The following LRRC45 variants were observed in gnomAD, a reference collection of about 807,000 sequenced individuals.
LRRC45 encodes the protein leucine rich repeat containing 45, also known as leucine-rich repeat-containing protein 45.
LRRC45 carries 73 observed loss-of-function variants against 85.4 expected under a neutral mutation model. The ratio of observed to expected loss-of-function variants is 0.85; its 90% confidence interval spans 0.71 to 1.04. The LOEUF (loss-of-function observed/expected upper bound fraction) is 1.04. Ranked by LOEUF, LRRC45 falls within the 50% of genes least tolerant of loss-of-function variation. The probability of loss-of-function intolerance (pLI) is 0.00; values close to 1 mark genes in which losing one functional copy is unlikely to be tolerated. For synonymous variants in LRRC45, 429 were observed against 386.0 expected (o/e 1.11, Z -1.31); for missense variants, 937 against 883.3 (o/e 1.06, Z -0.77).
At position 82,028,517 on chromosome 17, in the gene LRRC45, G is replaced by C. The variant is rs772265130; in HGVS notation, c.1237+9G>C. The C allele has an allele frequency of 5.0e-6, 8 of 1,611,974 alleles. No homozygotes were observed. The highest frequency in any genetic ancestry group is 5.9e-6 in the Non-Finnish European group (7 of 1,179,656). On this transcript the variant is annotated intron_variant, in intron 11 of 16. Coordinates refer to ENST00000306688, the MANE Select transcript of LRRC45 (RefSeq NM_144999.4). ...GGCCATCCAGGCCGAGGGTGGGCACGGGCAGGCCTGCTGTGGAGGGGCCTG... is the reference window on the plus strand; with the variant it reads ...GGCCATCCAGGCCGAGGGTGGGCACCGGCAGGCCTGCTGTGGAGGGGCCTG...
chr17:82,023,560 G>T lies in LRRC45; in HGVS notation c.-84G>T. On this transcript the variant is annotated 5_prime_UTR_variant, in exon 1 of 17. Transcript: ENST00000306688. ...GGCGGAGGCCCCGTCTCCTGTACCC[G>T]GCGCTGGGACTGCTCCGCACCGCGC... is the stretch of plus-strand genomic sequence containing the variant. 1 of 1,271,848 alleles carries T rather than the reference G, an allele frequency of 7.9e-7. No homozygotes were observed. Among genetic ancestry groups the T allele is most frequent in the Non-Finnish European group, 1.0e-6 (1 of 954,460 alleles). The allele number at this position is 1,271,848 out of a possible 1,614,324, so 78.8% of individuals were successfully genotyped here. A position where few individuals can be genotyped will look rare whatever the true frequency, so the allele number is the denominator to read the frequency against.
rs1040115972 is a variant in LRRC45, at chr17:82,030,919, G to A, written c.*114G>A. On this transcript the variant is annotated 3_prime_UTR_variant, in exon 17 of 17. Transcript: ENST00000306688. Reference sequence around the variant, plus strand: ...TTGAGACCCGGGTCGTCTGTTCCACGCGGCGGTTGCGGCGACTGTTGGTGG... The same window carrying A: ...TTGAGACCCGGGTCGTCTGTTCCACACGGCGGTTGCGGCGACTGTTGGTGG... 2 of 776,550 alleles carry A rather than the reference G, an allele frequency of 2.6e-6. No individual in the cohort carries two copies. Among genetic ancestry groups the A allele is most frequent in the South Asian group, 6.2e-5 (1 of 16,076 alleles). The allele number at this position is 776,550 out of a possible 1,614,324, so 48.1% of individuals were successfully genotyped here.
chr17:82,030,734 A>T lies in LRRC45; in HGVS notation c.1942A>T (p.Ser648Cys). The change falls in exon 17 of 17, where the codon AGC becomes TGC. Residue 648 changes from serine (S) to cysteine (C), a missense_variant. Ser to Cys is a moderately radical substitution (Grantham distance 112, BLOSUM62 -1). Coordinates refer to ENST00000306688, the MANE Select transcript of LRRC45 (RefSeq NM_144999.4). ...RIRDEEAQRA[S>C]FLQNAVLAYV... is the part of the protein sequence containing the mutation. The stretch of plus-strand genomic sequence containing the variant: ...CCGGGACGAGGAGGCCCAGAGGGCG[A>T]GCTTCCTGCAGAACGCCGTCCTGGC... 6.7e-7 allele frequency: 1 copy of T among 1,487,736 alleles called. No individual in the cohort carries two copies. The highest frequency in any genetic ancestry group is 9.0e-7 in the Non-Finnish European group (1 of 1,108,122). 92.2% of individuals were successfully genotyped at this position (1,487,736 alleles called of 1,614,324 possible).
chr17:82,030,289 G>A, intron 15 of LRRC45, 30 bp from the exon 16 acceptor site: 1 of 1,543,118 alleles, frequency 6.5e-7, no homozygotes, highest in East Asian at 2.5e-5. Context: ...CCCAACCCTC[G>A]CCTCACTCCC....
In LRRC45 at chr17:82,025,289, A is replaced by G. The variant is rs1177982641; in HGVS notation, c.533-90A>G. On this transcript the variant is annotated intron_variant, in intron 4 of 16. Coordinates refer to ENST00000306688, the MANE Select transcript of LRRC45 (RefSeq NM_144999.4). ...GTGCTCCTGCTCTGTTGATGACTGC[A>G]AGGCAGTGCCCCCTAGGGAAGCACC... 5 of 1,527,532 alleles carry G rather than the reference A, an allele frequency of 3.3e-6. No homozygotes were observed. In the South Asian group the frequency reaches 5.2e-5, roughly 16 times the overall value. The allele number at this position is 1,527,532 out of a possible 1,614,324, so 94.6% of individuals were successfully genotyped here. A position where few individuals can be genotyped will look rare whatever the true frequency, so the allele number is the denominator to read the frequency against.
At chr17:82,025,338 G>C (rs777761151) in intron 4 of LRRC45, 41 bp from the exon 5 acceptor site, 1 of 1,542,264 alleles carries the variant, frequency 6.5e-7, no homozygotes, top group Non-Finnish European at 8.8e-7. Context: ...CTCCCCCTCT[G>C]CCAGGTGCAT....
chr17:82,026,300 G>A (rs1322204380), intron 5 of LRRC45, among the ~76,000 whole-genome samples: 1 of 152,176 alleles, frequency 6.6e-6, no homozygotes, highest in Non-Finnish European at 1.5e-5. Flanking sequence ...GATGCCCCAG[G>A]ATGGCCCTTG....
intron 1 of LRRC45, 78 bp from the exon 2 acceptor site, chr17:82,024,200 C>A: frequency 1.3e-6 from 2 of 1,517,620 alleles, no homozygotes; most frequent in Non-Finnish European, 1.8e-6. Flanking sequence ...GTCTAGGGAG[C>A]TGCCCTGAAA....
rs773481747 is a variant in LRRC45 at position 82,028,491 on chromosome 17, G to A, written c.1220G>A (p.Arg407Gln). The A allele has an allele frequency of 1.2e-5, 19 of 1,612,342 alleles. No homozygotes were observed. The highest frequency in any genetic ancestry group is 8.0e-5 in the African/African-American group (6 of 74,930). Residue 407 changes from arginine (R) to glutamine (Q), a missense_variant, in exon 11 of 17, where the codon CGG becomes CAG. Transcript: ENST00000306688. ...AGCATGTCAGCTGAGCTGAAGATGC[G>A]GGCCATCCAGGCCGAGGGTGGGCAC... ...MTSMSAELKM[R>Q]AIQAEERLDM...
At position 82,023,857 on chromosome 17, in the gene LRRC45, G is replaced by T. The variant is rs1170409606; in HGVS notation, c.214G>T (p.Glu72Ter). ...GGTCCTGAGTGACTGCATGCTCAGC[G>T]AGGAAGGTGGGCAGGCGCGGCGGGG... The part of the protein sequence containing the change: ...ELVLSDCMLS[E>*]EGATLLLRGL... Residue 72 changes from glutamate to a stop codon, truncating the protein, a stop_gained, in exon 1 of 17, where the codon GAG (glutamate) becomes TAG (stop). Transcript: ENST00000306688. LOFTEE classifies it high-confidence loss of function. The T allele has an allele frequency of 6.4e-7, 1 of 1,557,886 alleles. No homozygotes were observed. The highest frequency in any genetic ancestry group is 8.7e-7 in the Non-Finnish European group (1 of 1,153,240).
chr17:82,028,813 G>C, intron 12 of LRRC45, 130 bp downstream of exon 12: 2 of 1,081,800 alleles, frequency 1.8e-6, no homozygotes, highest in Non-Finnish European at 2.7e-6. Flanking sequence ...TATTTTGCCA[G>C]CCTGAGCGGA....
chr17:82,029,640 G>A lies in LRRC45; in HGVS notation c.1494+5G>A, dbSNP rs1237534360. On this transcript the variant is annotated splice_donor_5th_base_variant and intron_variant, in intron 14 of 16. Transcript: ENST00000306688. Reference sequence around the variant, plus strand: ...AGCCAGGCCCGCCTGGAGGAGGTGAGCCACACATGTCCGCCACCCTCCGGG... The same window carrying A: ...AGCCAGGCCCGCCTGGAGGAGGTGAACCACACATGTCCGCCACCCTCCGGG... 1.5e-5 allele frequency: 23 copies of A among 1,564,218 alleles called. No homozygotes were observed. The highest frequency in any genetic ancestry group is 3.8e-5 in the Admixed American group (2 of 53,134).
rs769092342 is a variant in LRRC45 at position 82,030,811 on chromosome 17, G to A, written c.*6G>A. The A allele has an allele frequency of 7.5e-7, 1 of 1,341,368 alleles. No individual in the cohort carries two copies. The highest frequency in any genetic ancestry group is 9.7e-7 in the Non-Finnish European group (1 of 1,032,872). 83.1% of individuals were successfully genotyped at this position (1,341,368 alleles called of 1,614,324 possible). ...CCCTGAGCCCCCCAAAGTGAGACAGGCCGGGAGGACCCGGGCGCAGTAGGA... is the reference window on the plus strand; with the variant it reads ...CCCTGAGCCCCCCAAAGTGAGACAGACCGGGAGGACCCGGGCGCAGTAGGA... On this transcript the variant is annotated 3_prime_UTR_variant, in exon 17 of 17. Coordinates refer to ENST00000306688, the MANE Select transcript of LRRC45 (RefSeq NM_144999.4).
rs747882692 is a variant in LRRC45, at chr17:82,028,625, T to C, written c.1250T>C (p.Met417Thr). 5 of 1,612,858 alleles carry C rather than the reference T, an allele frequency of 3.1e-6. No individual in the cohort carries two copies. The highest frequency in any genetic ancestry group is 2.2e-5 in the East Asian group (1 of 44,874). Residue 417 changes from methionine (M) to threonine (T), a missense_variant, in exon 12 of 17, where the codon ATG becomes ACG. Coordinates refer to ENST00000306688, the MANE Select transcript of LRRC45 (RefSeq NM_144999.4). ...RAIQAEERLD[M>T]EKRRCRQSLE... ...CCTGGGCTTCCAGAGCGCCTGGACA[T>C]GGAGAAGAGAAGATGCAGACAGAGC...
At chr17:82,027,519 C>G (rs2043379140) in intron 7 of LRRC45, 75 bp downstream of exon 7, 1 of 1,596,888 alleles carries the variant, frequency 6.3e-7, no homozygotes, top group African/African-American at 1.3e-5. Flanking sequence ...TGGGACCAAC[C>G]TGAGCCCACG....
Position 82,027,464 on chromosome 17 carries a change from G to A in LRRC45, c.833+20G>A. 2 of 1,612,576 alleles carry A rather than the reference G, an allele frequency of 1.2e-6. No homozygotes were observed. The highest frequency in any genetic ancestry group is 1.7e-6 in the Non-Finnish European group (2 of 1,179,900). On this transcript the variant is annotated intron_variant, in intron 7 of 16. Coordinates refer to ENST00000306688, the MANE Select transcript of LRRC45 (RefSeq NM_144999.4). ...CAGCAGGTGAGCGGGCCCAGGGCAG[G>A]GGCAGGGTGAGGCTTCAGGGATCAG...
chr17:82,024,236 G>T, intron 1 of LRRC45, 42 bp from the exon 2 acceptor site: 1 of 1,605,334 alleles, frequency 6.2e-7, no homozygotes, highest in Non-Finnish European at 8.5e-7. Context: ...GGGCCTTGGG[G>T]TCAGCAGGGG....
At chr17:82,029,278 C>G in intron 13 of LRRC45, 93 bp downstream of exon 13, 1 of 1,264,990 alleles carries the variant, frequency 7.9e-7, no homozygotes, top group Non-Finnish European at 1.1e-6. Context: ...GACCAGAGAC[C>G]TCTTCCTGTT....
At position 82,030,675 on chromosome 17, in the gene LRRC45, A is replaced by T; in HGVS notation, c.1883A>T (p.Lys628Met). ...AGCGAGAACGCGTCTCTCCGGGAGA[A>T]GCTGCGGCTCCGGGAGGCGGAGATC... The part of the protein sequence containing the change: ...RESENASLRE[K>M]LRLREAEIAR... Residue 628 changes from lysine to methionine, a missense_variant, in exon 17 of 17, where the codon AAG becomes ATG. By Grantham distance (95) the Lys-to-Met change is moderately conservative. Transcript: ENST00000306688. 1 of 1,471,804 alleles carries T rather than the reference A, an allele frequency of 6.8e-7. No individual in the cohort carries two copies. Among genetic ancestry groups the T allele is most frequent in the South Asian group, 1.4e-5 (1 of 73,478 alleles). 91.2% of individuals were successfully genotyped at this position (1,471,804 alleles called of 1,614,324 possible). A position where few individuals can be genotyped will look rare whatever the true frequency, so the allele number is the denominator to read the frequency against.
Sources: gnomAD v4.1 joint callset for allele counts (sites outside exome capture counted in the v4.1 genomes callset) on GRCh38, gnomAD v4.1.1 for gene constraint, MANE v1.5 for transcripts, NCBI Gene and HGNC (gene_info 2026-07-23, HGNC 2026-07-21) for gene names.